Variants in OR1J2 observed in about 807,000 individuals in gnomAD.
OR1J2 encodes the protein olfactory receptor family 1 subfamily J member 2.
For missense variants in OR1J2, 304 were observed against 246.1 expected, an observed-to-expected ratio of 1.24 and a Z score of -1.57; for synonymous variants, 142 against 99.7, an observed-to-expected ratio of 1.42 and a Z score of -2.52.
At chr9:122,533,023 G>A in the OR1J2 span, among the ~76,000 whole-genome samples, 44 of 152,226 alleles carry the variant, frequency 2.9e-4, no homozygotes, top group African/African-American at 9.6e-4. Flanking sequence ...TACAGCCCAG[G>A]TAATTTGCTG....
chr9:122,519,533 C>T, the OR1J2 span: 1 of 1,614,188 alleles, frequency 6.2e-7, no homozygotes, highest in Non-Finnish European at 8.5e-7. Flanking sequence ...ACCCCCTCCG[C>T]TACACCACTA....
the OR1J2 span, among the ~76,000 whole-genome samples, chr9:122,496,543 C>G: frequency 1.3e-5 from 2 of 152,078 alleles, no homozygotes; most frequent in East Asian, 3.9e-4. Context: ...ATTTATTTTG[C>G]TAAGGTTGAG....
At chr9:122,477,349 G>A in the OR1J2 span, 1 of 1,614,078 alleles carries the variant, frequency 6.2e-7, no homozygotes, top group Non-Finnish European at 8.5e-7. Context: ...CTGATTGAGG[G>A]AGGTGTCTGA....
the OR1J2 span, among the ~76,000 whole-genome samples, chr9:122,478,995 T>G: frequency 6.6e-6 from 1 of 152,160 alleles, no homozygotes; most frequent in African/African-American, 2.4e-5. Context: ...CCCAGAGTGC[T>G]GGGGTTACAG....
At chr9:122,489,516 AGTT>A in the OR1J2 span, among the ~76,000 whole-genome samples, 2 of 152,074 alleles carry the variant, frequency 1.3e-5, no homozygotes, top group South Asian at 4.2e-4. Context: ...TTTTGTAAGA[AGTT>A]GTTTTGCATG....
chr9:122,529,219 A>T, the OR1J2 span, among the ~76,000 whole-genome samples: 1 of 152,196 alleles, frequency 6.6e-6, no homozygotes, highest in Admixed American at 6.5e-5. Flanking sequence ...GACAGGGCAC[A>T]TTCTAATAGC....
the OR1J2 span, among the ~76,000 whole-genome samples, chr9:122,548,327 A>G: frequency 6.6e-6 from 1 of 152,126 alleles, no homozygotes; most frequent in African/African-American, 2.4e-5. Context: ...CTTTATATAC[A>G]TTTCCCTTAA....
chr9:122,567,406 G>A, the OR1J2 span: 1 of 585,688 alleles, frequency 1.7e-6, no homozygotes, highest in South Asian at 2.6e-5. Flanking sequence ...CATCATCAAT[G>A]GATGTAAGTG....
At chr9:122,489,838 T>C in the OR1J2 span, among the ~76,000 whole-genome samples, 1 of 152,154 alleles carries the variant, frequency 6.6e-6, no homozygotes, top group African/African-American at 2.4e-5. Context: ...GAAGGCACAG[T>C]TGATAGATTA....
the OR1J2 span, among the ~76,000 whole-genome samples, chr9:122,537,117 G>A: frequency 0.76 from 115,531 of 152,140 alleles, 44,457 homozygotes; most frequent in East Asian, 1. Flanking sequence ...CCCCAAATGC[G>A]CAATTTCTGT....
chr9:122,480,940 G>A, the OR1J2 span, among the ~76,000 whole-genome samples: 1 of 152,166 alleles, frequency 6.6e-6, no homozygotes, highest in African/African-American at 2.4e-5. Flanking sequence ...GATTACAGGT[G>A]TGCACCACTA....
chr9:122,509,287 T>G (rs1035572787), upstream of OR1J2, among the ~76,000 whole-genome samples: 11 of 152,102 alleles, frequency 7.2e-5, no homozygotes, highest in African/African-American at 2.7e-4. Flanking sequence ...ATGACAGGAG[T>G]ACCCAAGAGG....
the OR1J2 span, among the ~76,000 whole-genome samples, chr9:122,536,839 G>C: frequency 6.6e-6 from 1 of 152,056 alleles, no homozygotes; most frequent in East Asian, 1.9e-4. Flanking sequence ...ATTTATTTTT[G>C]TTGACTTTGT....
the OR1J2 span, chr9:122,477,723 G>A: frequency 6.2e-7 from 1 of 1,614,198 alleles, no homozygotes; most frequent in Admixed American, 1.7e-5. Flanking sequence ...AGATGTCAGT[G>A]AGGGCCAAGT....
the OR1J2 span, among the ~76,000 whole-genome samples, chr9:122,532,712 C>T: frequency 1.3e-3 from 198 of 152,106 alleles, 3 homozygotes; most frequent in Admixed American, 9.3e-3. Context: ...AGTATTAGGG[C>T]GGCAGCAGCC....
At chr9:122,498,330 T>A in the OR1J2 span, among the ~76,000 whole-genome samples, 2 of 152,194 alleles carry the variant, frequency 1.3e-5, no homozygotes, top group East Asian at 3.8e-4. Flanking sequence ...AACAAATTTT[T>A]AAAAATTATT....
At chr9:122,523,282 G>A in the OR1J2 span, among the ~76,000 whole-genome samples, 2 of 152,254 alleles carry the variant, frequency 1.3e-5, no homozygotes, top group South Asian at 4.2e-4. Context: ...TATGAGTCAA[G>A]GAAGCATCAA....
the OR1J2 span, among the ~76,000 whole-genome samples, chr9:122,483,138 C>T: frequency 1.3e-5 from 2 of 152,176 alleles, no homozygotes; most frequent in South Asian, 4.1e-4. Context: ...GTCAATTAAG[C>T]ATAAATAAAA....
downstream of OR1J2, among the ~76,000 whole-genome samples, chr9:122,516,448 C>T (rs1053257888): frequency 2.0e-5 from 3 of 151,028 alleles, no homozygotes; most frequent in Non-Finnish European, 3.0e-5. Flanking sequence ...GGACTACAGG[C>T]GCCCGCCACT....
Sources: allele counts gnomAD v4.1 joint callset (sites outside exome capture counted in the v4.1 genomes callset), GRCh38; gene constraint gnomAD v4.1.1; transcripts MANE v1.5; gene names NCBI Gene and HGNC (gene_info 2026-07-23, HGNC 2026-07-21).